The following RBFOX3 variants were observed in gnomAD, a reference collection of about 807,000 sequenced individuals.
The protein encoded by RBFOX3 is RNA binding protein fox-1 homolog 3.
Under a neutral mutation model 48.7 loss-of-function variants are expected in RBFOX3, and 17 were observed. That is an observed-to-expected ratio of 0.35 (90% CI 0.24 to 0.52). RBFOX3 has a LOEUF of 0.52. Among genes scored for constraint, RBFOX3 ranks in the 20% least tolerant of loss-of-function variants. The probability of loss-of-function intolerance (pLI) is 0.94; values close to 1 mark genes in which losing one functional copy is unlikely to be tolerated. For synonymous variants in RBFOX3, 212 were observed against 209.5 expected (o/e 1.01, Z -0.10); for missense variants, 382 against 497.5 (o/e 0.77, Z 2.21).
intron 7 of RBFOX3, 34 bp downstream of exon 7, chr17:79,104,039 G>A (rs1271812814): frequency 2.6e-6 from 4 of 1,527,818 alleles, no homozygotes; most frequent in Non-Finnish European, 3.6e-6. Context: ...CCTACAGCCG[G>A]CGCTGTAAGG....
At chr17:79,620,182 C>A in the RBFOX3 span, among the ~76,000 whole-genome samples, 9 of 142,154 alleles carry the variant, frequency 6.3e-5, no homozygotes, top group Non-Finnish European at 1.0e-4. Context: ...CATGCACACA[C>A]ATGTGCACAT....
chr17:79,350,749 G>A (rs1415667399), intron 2 of RBFOX3, among the ~76,000 whole-genome samples: 4 of 152,232 alleles, frequency 2.6e-5, no homozygotes, highest in Non-Finnish European at 5.9e-5. Flanking sequence ...CCTGATGAGG[G>A]TTGTGGCAGA....
At chr17:79,104,422 C>A (rs544100536) in intron 6 of RBFOX3, among the ~76,000 whole-genome samples, 1 of 152,218 alleles carries the variant, frequency 6.6e-6, no homozygotes, top group African/African-American at 2.4e-5. Context: ...GCCCGTGTCT[C>A]CCTTCTGCCT....
Position 79,220,229 on chromosome 17 carries a change from G to A in RBFOX3, c.-34+15537C>T, listed in dbSNP as rs545605155. ...AACCGCGGCTCCACAGCAGGCTCCC[G>A]GGGAGGAGGGGAGGAGACCCAATCA... is the stretch of plus-strand genomic sequence containing the variant. On this transcript the variant is annotated intron_variant, in intron 4 of 14. Transcript: ENST00000693108. The surrounding 1 kb of genome is among the most constrained non-coding windows in gnomAD (Gnocchi z 5.9). Among the ~76,000 whole-genome samples, 2 of 152,244 alleles carry A rather than the reference G, an allele frequency of 1.3e-5. No individual in the cohort carries two copies. The highest frequency in any genetic ancestry group is 4.2e-4 in the South Asian group (2 of 4,818).
intron 1 of RBFOX3, among the ~76,000 whole-genome samples, chr17:79,603,428 G>T (rs1443668494): frequency 6.6e-6 from 1 of 152,178 alleles, no homozygotes; most frequent in African/African-American, 2.4e-5. Flanking sequence ...TGAGTCCACG[G>T]CCCCACAGAC....
intron 1 of RBFOX3, among the ~76,000 whole-genome samples, chr17:79,564,654 G>A (rs2092386805): frequency 6.6e-6 from 1 of 152,172 alleles, no homozygotes; most frequent in South Asian, 2.1e-4. Flanking sequence ...AAAAAAACTG[G>A]AAACAACCCA....
At chr17:79,556,202 A>G (rs2091742902) in intron 1 of RBFOX3, among the ~76,000 whole-genome samples, 1 of 152,150 alleles carries the variant, frequency 6.6e-6, no homozygotes, top group African/African-American at 2.4e-5. Context: ...AGTTTTCCAA[A>G]CCAAGCTGGT....
At chr17:79,469,510 C>T (rs2076792569) in intron 2 of RBFOX3, among the ~76,000 whole-genome samples, 1 of 152,190 alleles carries the variant, frequency 6.6e-6, no homozygotes, top group East Asian at 1.9e-4. Context: ...TGTGCCGTCC[C>T]TGTCCCCTGT....
chr17:79,419,940 AAC>A (rs2065970454), intron 2 of RBFOX3, among the ~76,000 whole-genome samples: 1 of 152,210 alleles, frequency 6.6e-6, no homozygotes, highest in Non-Finnish European at 1.5e-5. Flanking sequence ...CAGCTTGGGC[AAC>A]ACGGTGAAAC....
At chr17:79,611,130 TTC>T (rs1173570495), upstream of RBFOX3, among the ~76,000 whole-genome samples, 27 of 37,812 alleles carry the variant, frequency 7.1e-4, 1 homozygote, top group African/African-American at 4.3e-3. Context: ...TCCGCCCTCC[TTC>T]TCTCTCTCTC....
At chr17:79,269,012 T>G (rs2143541997) in intron 3 of RBFOX3, among the ~76,000 whole-genome samples, 1 of 152,370 alleles carries the variant, frequency 6.6e-6, no homozygotes, top group East Asian at 1.9e-4. Flanking sequence ...TGACCTCATT[T>G]GGAAATAGGA....
intron 2 of RBFOX3, among the ~76,000 whole-genome samples, chr17:79,342,289 G>A (rs978103835): frequency 7.2e-5 from 11 of 152,178 alleles, no homozygotes; most frequent in Admixed American, 2.0e-4. Flanking sequence ...CTGACAAACC[G>A]CCTTTTCTTT....
intron 2 of RBFOX3, among the ~76,000 whole-genome samples, chr17:79,381,259 CAAAAAA>C (rs35928942): frequency 5.5e-5 from 8 of 146,554 alleles, no homozygotes; most frequent in African/African-American, 2.0e-4. Flanking sequence ...GACTCTGTCT[CAAAAAA>C]AAAAAAAAAG....
chr17:79,477,540 A>C lies in RBFOX3; in HGVS notation c.-175+4914T>G, dbSNP rs2078095439. 6.6e-6 allele frequency among the ~76,000 whole-genome samples: 1 copy of C among 150,454 alleles called. No homozygotes were observed. The highest frequency in any genetic ancestry group is 6.7e-5 in the Admixed American group (1 of 15,022). ...CATCGCACTCCAGCCTGGGCGACAG[A>C]GCGAAACTCCGTCACCGGAAAAAAA... On this transcript the variant is annotated intron_variant, in intron 2 of 14. Transcript: ENST00000693108. The surrounding 1 kb of genome is among the most constrained non-coding windows in gnomAD (Gnocchi z 4.8).
At chr17:79,523,777 C>T (rs906747599) in intron 1 of RBFOX3, among the ~76,000 whole-genome samples, 9 of 152,310 alleles carry the variant, frequency 5.9e-5, no homozygotes, top group Admixed American at 4.6e-4. Flanking sequence ...GGTGATAAAA[C>T]GCAAAACGAA....
intron 3 of RBFOX3, among the ~76,000 whole-genome samples, chr17:79,307,401 G>A (rs2076246216): frequency 1.3e-5 from 2 of 152,238 alleles, no homozygotes; most frequent in Non-Finnish European, 2.9e-5. Flanking sequence ...AGGCAGTGAG[G>A]GAATTTATGG....
In RBFOX3 at chr17:79,589,398, CCT is replaced by C. The variant is rs1435695121; in HGVS notation, c.-320+21426_-320+21427del. The stretch of plus-strand genomic sequence containing the variant: ...TCCCTGTCTCTCCACATCACCGTCC[CCT>C]GTTTGTGCCTCTGTGTCCTGATTTA... On this transcript the variant is annotated intron_variant, in intron 1 of 14. Transcript: ENST00000693108. 6.6e-5 allele frequency among the ~76,000 whole-genome samples: 10 copies of C among 152,246 alleles called. No individual in the cohort carries two copies. The East Asian group carries it at 1.4e-3, about 21-fold the overall frequency.
chr17:79,194,371 C>T (rs2055123549), intron 4 of RBFOX3, among the ~76,000 whole-genome samples: 2 of 152,228 alleles, frequency 1.3e-5, no homozygotes, highest in Admixed American at 1.3e-4. Context: ...CTTTGGGAGG[C>T]TGAGGCGGGT....
chr17:79,537,027 A>G (rs535906020), intron 1 of RBFOX3, among the ~76,000 whole-genome samples: 71 of 151,972 alleles, frequency 4.7e-4, no homozygotes, highest in Middle Eastern at 3.4e-3. Context: ...GGAGGTTGCA[A>G]TGAGCTGAGA....
Sources: gnomAD v4.1 joint callset for allele counts (sites outside exome capture counted in the v4.1 genomes callset) on GRCh38, gnomAD v4.1.1 for gene constraint, Gnocchi (gnomAD v3.1) non-coding constraint, MANE v1.5 for transcripts, NCBI Gene and HGNC (gene_info 2026-07-23, HGNC 2026-07-21) for gene names.